TFDP2: variants seen among roughly 807,000 people sequenced by gnomAD.
The protein encoded by TFDP2 is transcription factor Dp-2 (E2F dimerization partner 2).
A neutral mutation model predicts 59.3 loss-of-function variants in TFDP2; 17 were observed. The ratio of observed to expected loss-of-function variants is 0.29; its 90% confidence interval spans 0.20 to 0.43. The LOEUF (loss-of-function observed/expected upper bound fraction) is 0.43, where lower values mean the gene tolerates loss of function less well. TFDP2 is among the 20% of genes least tolerant of loss of function. TFDP2 has a pLI of 1.00. For synonymous variants in TFDP2, 180 were observed against 194.7 expected (o/e 0.92, Z 0.63); for missense variants, 391 against 528.8 (o/e 0.74, Z 2.56).
At chr3:141,995,616 GGC>G (rs1002766930) in intron 4 of TFDP2, among the ~76,000 whole-genome samples, 76 of 152,206 alleles carry the variant, frequency 5.0e-4, no homozygotes, top group African/African-American at 1.7e-3. Flanking sequence ...CAGGAGCGGT[GGC>G]TCGTGCCTGT....
intron 1 of TFDP2, among the ~76,000 whole-genome samples, chr3:142,139,745 C>G (rs1189448425): frequency 6.6e-6 from 1 of 152,218 alleles, no homozygotes; most frequent in African/African-American, 2.4e-5. Context: ...CGCTGTTAGT[C>G]TGATGGGCTT....
At chr3:142,143,488 T>C (rs1260381191) in intron 1 of TFDP2, among the ~76,000 whole-genome samples, 1 of 152,018 alleles carries the variant, frequency 6.6e-6, no homozygotes, top group South Asian at 2.1e-4. Context: ...GAGAAAACAT[T>C]TGCAAACTAC....
intron 3 of TFDP2, among the ~76,000 whole-genome samples, chr3:142,006,495 G>T (rs1944226299): frequency 1.3e-5 from 2 of 149,044 alleles, no homozygotes; most frequent in African/African-American, 2.5e-5. Context: ...TGAGATGGGG[G>T]TCTCGCTCTG....
In TFDP2 at chr3:141,971,376, A is replaced by T. The variant is rs1231749496; in HGVS notation, c.664-1235T>A. Among the ~76,000 whole-genome samples, 99 of 90,724 alleles carry T rather than the reference A, an allele frequency of 1.1e-3. 1 individual carries two copies. The highest frequency in any genetic ancestry group is 5.6e-3 in the African/African-American group (96 of 17,254). 59.5% of individuals were successfully genotyped at this position (90,724 alleles called of 152,430 possible). On this transcript the variant is annotated intron_variant, in intron 8 of 12. Transcript: ENST00000489671. ...ATAAGGTGAAACCTCGTCTCTACTAAAAAAAAAAAAAAAAAAAAAAAAATT... is the reference window on the plus strand; with the variant it reads ...ATAAGGTGAAACCTCGTCTCTACTATAAAAAAAAAAAAAAAAAAAAAAATT...
At chr3:141,957,959 T>C (rs891094294) in intron 11 of TFDP2, among the ~76,000 whole-genome samples, 2 of 152,216 alleles carry the variant, frequency 1.3e-5, no homozygotes, top group African/African-American at 4.8e-5. Context: ...TTAAATGGTG[T>C]ATTTTATGGC....
At chr3:141,997,849 C>CAAAAAAAAAAA (rs3058569) in intron 4 of TFDP2, among the ~76,000 whole-genome samples, 16 of 83,970 alleles carry the variant, frequency 1.9e-4, no homozygotes, top group Non-Finnish European at 2.2e-4. Flanking sequence ...GACTCCATCT[C>CAAAAAAAAAAA]AAAAAAAAAA....
intron 3 of TFDP2, chr3:142,054,082 G>C (rs1452365360): frequency 6.6e-6 from 1 of 152,174 alleles, no homozygotes; most frequent in Non-Finnish European, 1.5e-5. Flanking sequence ...AAACATGTTT[G>C]GTAATTGCTT....
At chr3:142,134,102 T>A (rs1450250283) in intron 1 of TFDP2, among the ~76,000 whole-genome samples, 2 of 149,914 alleles carry the variant, frequency 1.3e-5, no homozygotes, top group African/African-American at 4.9e-5. Context: ...CAACTCCCTC[T>A]AAGTACAGTG....
rs1440291368 is a variant in TFDP2 at position 141,968,589 on chromosome 3, TATAG to T, written c.732+1480_732+1483del. Among the ~76,000 whole-genome samples the T allele has an allele frequency of 5.5e-5, 6 of 109,886 alleles. No homozygotes were observed. In the East Asian group the frequency reaches 1.4e-3, roughly 26 times the overall value. The allele number at this position is 109,886 out of a possible 152,430, so 72.1% of individuals were successfully genotyped here. A position where few individuals can be genotyped will look rare whatever the true frequency, so the allele number is the denominator to read the frequency against. Reference sequence around the variant, plus strand: ...ATATATATAACATATATATCTCATATATAGATATATATAACATATATATCTCATA... The same window carrying T: ...ATATATATAACATATATATCTCATATATATATATAACATATATATCTCATA... On this transcript the variant is annotated intron_variant, in intron 9 of 12. Transcript: ENST00000489671.
intron 3 of TFDP2, among the ~76,000 whole-genome samples, chr3:142,043,136 T>C (rs867189498): frequency 6.6e-6 from 1 of 151,784 alleles, no homozygotes; most frequent in African/African-American, 2.4e-5. Context: ...AAGCTCCGCC[T>C]CCCGGGTTCA....
Position 142,027,423 on chromosome 3 carries a change from C to CT in TFDP2, c.83-21880dup, listed in dbSNP as rs973341150. ...ATTGTAACAGAAGAAACATCTGTTG[C>CT]TTTTTTTCTTCACCAGGGCTTTCCT... is the stretch of plus-strand genomic sequence containing the variant. On this transcript the variant is annotated intron_variant, in intron 3 of 12. Transcript: ENST00000489671. 1.1e-4 allele frequency among the ~76,000 whole-genome samples: 16 copies of CT among 152,124 alleles called. No homozygotes were observed. The South Asian group carries it at 2.7e-3, about 26-fold the overall frequency.
At chr3:141,968,760 A>AAC (rs1553759452) in intron 9 of TFDP2, among the ~76,000 whole-genome samples, 43 of 69,060 alleles carry the variant, frequency 6.2e-4, no homozygotes, top group African/African-American at 2.1e-3. Flanking sequence ...AGATATATAT[A>AAC]ACATATATAT....
chr3:141,973,123 A>ATATATATATATATTTTTT, intron 8 of TFDP2, among the ~76,000 whole-genome samples: 4 of 58,022 alleles, frequency 6.9e-5, no homozygotes, highest in African/African-American at 1.9e-4. Context: ...ATATATATAT[A>ATATATATATATATTTTTT]TTTTTTTTTT....
intron 3 of TFDP2, among the ~76,000 whole-genome samples, chr3:142,011,659 A>C (rs1458238773): frequency 6.6e-6 from 1 of 151,696 alleles, no homozygotes; most frequent in Non-Finnish European, 1.5e-5. Flanking sequence ...AAACTTTTTT[A>C]AAAAGGAAAC....
At chr3:142,022,331 G>C (rs1429504354) in intron 3 of TFDP2, among the ~76,000 whole-genome samples, 1 of 152,178 alleles carries the variant, frequency 6.6e-6, no homozygotes, top group Non-Finnish European at 1.5e-5. Flanking sequence ...TTCAAATTAA[G>C]GAAATAACGA....
At chr3:142,070,929 T>C (rs990634397) in intron 3 of TFDP2, among the ~76,000 whole-genome samples, 4 of 152,110 alleles carry the variant, frequency 2.6e-5, no homozygotes, top group African/African-American at 9.7e-5. Context: ...GACCTAAGCT[T>C]AGATGCAAGG....
At chr3:142,053,275 G>T (rs913730953) in intron 3 of TFDP2, among the ~76,000 whole-genome samples, 24 of 152,112 alleles carry the variant, frequency 1.6e-4, no homozygotes, top group African/African-American at 5.8e-4. Context: ...CATGGGGGAG[G>T]ATCCCTCATG....
intron 3 of TFDP2, among the ~76,000 whole-genome samples, chr3:142,072,781 G>A (rs1375499462): frequency 6.6e-6 from 1 of 152,188 alleles, no homozygotes; most frequent in Non-Finnish European, 1.5e-5. Flanking sequence ...ATATCCATGA[G>A]TCCATACTAA....
intron 3 of TFDP2, among the ~76,000 whole-genome samples, chr3:142,006,017 A>G (rs1173720255): frequency 2.0e-5 from 3 of 152,226 alleles, no homozygotes; most frequent in African/African-American, 7.2e-5. Flanking sequence ...AAAAGCTAAC[A>G]TATTTTCAAA....
Sources: gnomAD v4.1 joint callset for allele counts (sites outside exome capture counted in the v4.1 genomes callset) on GRCh38, gnomAD v4.1.1 for gene constraint, MANE v1.5 for transcripts, NCBI Gene and HGNC (gene_info 2026-07-23, HGNC 2026-07-21) for gene names.